Variants in ABTB3 observed in about 807,000 individuals in gnomAD.
ABTB3 encodes the protein ankyrin repeat- and BTB/POZ domain-containing protein 3.
the ABTB3 span, among the ~76,000 whole-genome samples, chr12:107,579,944 G>A: frequency 6.6e-6 from 1 of 152,144 alleles, no homozygotes; most frequent in East Asian, 1.9e-4. Context: ...TATCTTCTTG[G>A]ACTCTAACAC....
the ABTB3 span, among the ~76,000 whole-genome samples, chr12:107,459,189 A>G: frequency 6.6e-6 from 1 of 152,194 alleles, no homozygotes; most frequent in Non-Finnish European, 1.5e-5. Context: ...CAGATGAGGA[A>G]ACTGAGGCCC....
At chr12:107,575,868 G>A in the ABTB3 span, among the ~76,000 whole-genome samples, 5 of 152,128 alleles carry the variant, frequency 3.3e-5, no homozygotes, top group Admixed American at 3.3e-4. Context: ...CTTCGGTTAG[G>A]GGTGGGAGGC....
the ABTB3 span, among the ~76,000 whole-genome samples, chr12:107,342,530 C>T: frequency 9.2e-5 from 14 of 152,102 alleles, no homozygotes; most frequent in Admixed American, 4.6e-4. Flanking sequence ...ATCGGAGCCT[C>T]GCCTTACTCT....
chr12:107,536,524 A>T, the ABTB3 span, among the ~76,000 whole-genome samples: 5 of 152,122 alleles, frequency 3.3e-5, no homozygotes, highest in African/African-American at 1.2e-4. Flanking sequence ...ATAGACAAGG[A>T]ACTCAACCTC....
chr12:107,456,947 C>A, the ABTB3 span, among the ~76,000 whole-genome samples: 2 of 152,072 alleles, frequency 1.3e-5, no homozygotes, highest in Admixed American at 6.6e-5. Flanking sequence ...GCAGCCTCCA[C>A]CTCTTGGGTT....
At chr12:107,388,894 C>G in the ABTB3 span, among the ~76,000 whole-genome samples, 1 of 152,074 alleles carries the variant, frequency 6.6e-6, no homozygotes, top group Non-Finnish European at 1.5e-5. Flanking sequence ...CTCTTCAACT[C>G]TTCCATGGAT....
At chr12:107,440,719 A>C in the ABTB3 span, among the ~76,000 whole-genome samples, 2 of 152,168 alleles carry the variant, frequency 1.3e-5, no homozygotes, top group African/African-American at 4.8e-5. Flanking sequence ...CTGGGATGGA[A>C]GAAGGAAAGA....
the ABTB3 span, among the ~76,000 whole-genome samples, chr12:107,572,122 T>A: frequency 6.6e-6 from 1 of 152,118 alleles, no homozygotes; most frequent in South Asian, 2.1e-4. Context: ...ATTATCTGAG[T>A]GGGCCCTACA....
At chr12:107,404,968 G>C in the ABTB3 span, among the ~76,000 whole-genome samples, 5 of 152,222 alleles carry the variant, frequency 3.3e-5, no homozygotes, top group Admixed American at 3.3e-4. Context: ...CATGGTTTAA[G>C]GACTCCCCAG....
At chr12:107,432,807 G>C in the ABTB3 span, among the ~76,000 whole-genome samples, 1 of 152,100 alleles carries the variant, frequency 6.6e-6, no homozygotes, top group Non-Finnish European at 1.5e-5. Flanking sequence ...CTCAGTTATA[G>C]ACATTTTATA....
At chr12:107,476,139 C>A in the ABTB3 span, among the ~76,000 whole-genome samples, 1 of 152,140 alleles carries the variant, frequency 6.6e-6, no homozygotes, top group African/African-American at 2.4e-5. Flanking sequence ...TGAGGGAGGG[C>A]AGTGTAGGGC....
the ABTB3 span, among the ~76,000 whole-genome samples, chr12:107,543,593 A>G: frequency 4.5e-4 from 69 of 152,128 alleles, no homozygotes; most frequent in Non-Finnish European, 1.5e-4. Context: ...AGTGTTGGCC[A>G]CAACATAGAG....
At chr12:107,559,048 T>C in the ABTB3 span, among the ~76,000 whole-genome samples, 1 of 152,196 alleles carries the variant, frequency 6.6e-6, no homozygotes, top group Non-Finnish European at 1.5e-5. Flanking sequence ...ATCATTTCTC[T>C]CACTTTCTGA....
At chr12:107,426,059 T>A in the ABTB3 span, among the ~76,000 whole-genome samples, 2 of 142,578 alleles carry the variant, frequency 1.4e-5, no homozygotes, top group Non-Finnish European at 3.1e-5. Flanking sequence ...CAAGGGGGAC[T>A]CACAGAGCTC....
At chr12:107,571,515 C>T in the ABTB3 span, among the ~76,000 whole-genome samples, 1 of 152,264 alleles carries the variant, frequency 6.6e-6, no homozygotes, top group Non-Finnish European at 1.5e-5. Flanking sequence ...TGGCCCTGAC[C>T]AGGCCCGTCC....
chr12:107,340,294 A>G, the ABTB3 span, among the ~76,000 whole-genome samples: 4 of 152,214 alleles, frequency 2.6e-5, no homozygotes, highest in Non-Finnish European at 5.9e-5. Flanking sequence ...TGCTTTTGAC[A>G]TAAAGAAACC....
the ABTB3 span, among the ~76,000 whole-genome samples, chr12:107,654,125 T>G: frequency 1.3e-5 from 2 of 152,228 alleles, no homozygotes; most frequent in African/African-American, 4.8e-5. Context: ...GAATTTCTTC[T>G]TTAAGACTGA....
At chr12:107,483,389 G>A in the ABTB3 span, among the ~76,000 whole-genome samples, 1 of 152,114 alleles carries the variant, frequency 6.6e-6, no homozygotes, top group East Asian at 1.9e-4. Flanking sequence ...GGGAATATTG[G>A]GGGAGTGGGT....
the ABTB3 span, among the ~76,000 whole-genome samples, chr12:107,562,986 T>A: frequency 1.3e-5 from 2 of 152,210 alleles, no homozygotes; most frequent in Admixed American, 6.5e-5. Context: ...CTAACGCCAG[T>A]CTGACATTTC....
Sources: gnomAD v4.1 joint callset for allele counts (sites outside exome capture counted in the v4.1 genomes callset) on GRCh38, gnomAD v4.1.1 for gene constraint, MANE v1.5 for transcripts, NCBI Gene and HGNC (gene_info 2026-07-23, HGNC 2026-07-21) for gene names.